The following PPFIA1 variants were observed in gnomAD, a reference collection of about 807,000 sequenced individuals.
PPFIA1 encodes the protein liprin-alpha-1.
PPFIA1 carries 25 observed loss-of-function variants against 149.9 expected under a neutral mutation model. The ratio of observed to expected loss-of-function variants is 0.17; its 90% CI spans 0.12 to 0.23. The LOEUF is 0.23. Among genes scored for constraint, PPFIA1 ranks in the 10% least tolerant of loss-of-function variants. The pLI, the probability that PPFIA1 is intolerant of heterozygous loss-of-function variation, is 1.00. For synonymous variants in PPFIA1, 549 were observed against 552.8 expected (o/e 0.99, Z 0.10); for missense variants, 1,362 against 1,506.5 (o/e 0.90, Z 1.59).
chr11:70,382,220 C>G (rs2057739359), intron 27 of PPFIA1, 62 bp downstream of exon 27: 2 of 1,330,106 alleles, frequency 1.5e-6, no homozygotes, highest in African/African-American at 2.9e-5. Context: ...GTCATCGGAG[C>G]TGCAGTGCCA....
intron 19 of PPFIA1, among the ~76,000 whole-genome samples, 197 bp downstream of exon 19, chr11:70,356,451 C>T (rs1368248576): frequency 6.6e-6 from 1 of 152,150 alleles, no homozygotes; most frequent in Admixed American, 6.5e-5. Context: ...ACACTGGTAT[C>T]CCTATCATCT....
intron 2 of PPFIA1, among the ~76,000 whole-genome samples, chr11:70,279,462 G>A (rs1414929758): frequency 6.6e-6 from 1 of 152,112 alleles, no homozygotes; most frequent in East Asian, 1.9e-4. Context: ...GGTATTTGTT[G>A]TATTGGTGGC....
intron 15 of PPFIA1, among the ~76,000 whole-genome samples, chr11:70,345,731 G>A (rs2055650745): frequency 6.6e-6 from 1 of 152,194 alleles, no homozygotes; most frequent in Non-Finnish European, 1.5e-5. Flanking sequence ...GGAGGCTGAG[G>A]CGGGAGGATC....
chr11:70,291,237 C>T (rs776153136), intron 2 of PPFIA1, among the ~76,000 whole-genome samples: 42 of 152,276 alleles, frequency 2.8e-4, no homozygotes, highest in Middle Eastern at 3.4e-3. Flanking sequence ...GTCTCTTCCA[C>T]CTTAAAAATA....
At chr11:70,326,239 C>T in intron 5 of PPFIA1, 23 bp from the exon 6 acceptor site, 1 of 1,366,928 alleles carries the variant, frequency 7.3e-7, no homozygotes, top group Non-Finnish European at 1.0e-6. Context: ...ATTTTACACT[C>T]ATATTCAATT....
intron 21 of PPFIA1, among the ~76,000 whole-genome samples, chr11:70,364,026 A>T (rs1350465175): frequency 6.6e-6 from 1 of 152,196 alleles, no homozygotes; most frequent in Non-Finnish European, 1.5e-5. Flanking sequence ...TGCTTGGAAA[A>T]GGTCCCTAAA....
chr11:70,320,125 T>C (rs1394093796), intron 2 of PPFIA1: 1 of 152,230 alleles, frequency 6.6e-6, no homozygotes, highest in Admixed American at 6.5e-5. Flanking sequence ...TTGAAAGAAC[T>C]GTAACGTCCG....
chr11:70,365,178 TCTC>T (rs1392623995), intron 21 of PPFIA1: 10 of 238,412 alleles, frequency 4.2e-5, no homozygotes, highest in Admixed American at 3.5e-4. Context: ...CGTGTGCTCT[TCTC>T]CTGATGGTGT....
chr11:70,314,048 A>G (rs2053447744), intron 2 of PPFIA1, among the ~76,000 whole-genome samples: 1 of 152,172 alleles, frequency 6.6e-6, no homozygotes, highest in Admixed American at 6.5e-5. Context: ...GCGGTTGGGC[A>G]TTTGCCTAGG....
At chr11:70,339,500 G>C (rs530682452) in intron 14 of PPFIA1, among the ~76,000 whole-genome samples, 194 bp downstream of exon 14, 2 of 150,948 alleles carry the variant, frequency 1.3e-5, no homozygotes, top group Admixed American at 1.3e-4. Flanking sequence ...TTTTGTTTTT[G>C]TTTTAAAGAG....
At chr11:70,280,011 C>T (rs555833727) in intron 2 of PPFIA1, among the ~76,000 whole-genome samples, 32 of 149,882 alleles carry the variant, frequency 2.1e-4, no homozygotes, top group Admixed American at 1.4e-3. Flanking sequence ...TGGGCTCAAG[C>T]GATCCTCCCA....
intron 11 of PPFIA1, 28 bp from the exon 12 acceptor site, chr11:70,337,337 C>A: frequency 1.3e-6 from 2 of 1,482,536 alleles, no homozygotes; most frequent in Non-Finnish European, 9.2e-7. Context: ...TTTAAAGAAA[C>A]ACTAAAGGAC....
At chr11:70,370,773 C>G (rs2057193245) in intron 21 of PPFIA1, among the ~76,000 whole-genome samples, 1 of 152,116 alleles carries the variant, frequency 6.6e-6, no homozygotes, top group Non-Finnish European at 1.5e-5. Flanking sequence ...TTTTTGCTCT[C>G]ACGGTATTGT....
At chr11:70,284,309 A>C (rs998060988) in intron 2 of PPFIA1, among the ~76,000 whole-genome samples, 1 of 152,196 alleles carries the variant, frequency 6.6e-6, no homozygotes, top group African/African-American at 2.4e-5. Flanking sequence ...TTGGTGTATG[A>C]AATAGTTGAA....
Position 70,325,485 on chromosome 11 carries a change from C to A in PPFIA1, c.532-15C>A, listed in dbSNP as rs189534294. The A allele has an allele frequency of 2.6e-6, 4 of 1,548,086 alleles. No individual in the cohort carries two copies. The highest frequency in any genetic ancestry group is 2.7e-6 in the Non-Finnish European group (3 of 1,121,028). The stretch of plus-strand genomic sequence containing the variant: ...ATACACACACACACACAAACTCAAC[C>A]CCTTTTATTTTCAGGTGAGAGAGCG... On this transcript the variant is annotated splice_polypyrimidine_tract_variant and intron_variant, in intron 4 of 27. Transcript: ENST00000253925.
chr11:70,290,216 C>T (rs1434090632), intron 2 of PPFIA1, among the ~76,000 whole-genome samples: 2 of 149,786 alleles, frequency 1.3e-5, no homozygotes, highest in Admixed American at 6.7e-5. Flanking sequence ...GGTGATAGAG[C>T]AAAACCTTGT....
Position 70,372,200 on chromosome 11 carries a change from A to C in PPFIA1, c.2866-15A>C. 1 of 1,587,734 alleles carries C rather than the reference A, an allele frequency of 6.3e-7. No homozygotes were observed. Among genetic ancestry groups the C allele is most frequent in the Non-Finnish European group, 8.6e-7 (1 of 1,168,788 alleles). ...ACTTCCTCTGTAACTGACCTTTTCCATTTATGAAAAGCAGACACTCGCCTA... is the reference window on the plus strand; with the variant it reads ...ACTTCCTCTGTAACTGACCTTTTCCCTTTATGAAAAGCAGACACTCGCCTA... On this transcript the variant is annotated splice_polypyrimidine_tract_variant and intron_variant, in intron 21 of 27. Transcript: ENST00000253925.
At chr11:70,305,768 T>G (rs1444563223) in intron 2 of PPFIA1, among the ~76,000 whole-genome samples, 1 of 152,204 alleles carries the variant, frequency 6.6e-6, no homozygotes, top group Non-Finnish European at 1.5e-5. Flanking sequence ...GGTAGTTTCC[T>G]TCATAGGAAA....
At chr11:70,298,135 GT>G (rs2052212542) in intron 2 of PPFIA1, among the ~76,000 whole-genome samples, 1 of 152,190 alleles carries the variant, frequency 6.6e-6, no homozygotes, top group Non-Finnish European at 1.5e-5. Flanking sequence ...AGATGTTTGG[GT>G]TTCCTTCCTT....
Sources: gnomAD v4.1 joint callset for allele counts (sites outside exome capture counted in the v4.1 genomes callset) on GRCh38, gnomAD v4.1.1 for gene constraint, MANE v1.5 for transcripts, NCBI Gene and HGNC (gene_info 2026-07-23, HGNC 2026-07-21) for gene names.